The following MED13L variants were observed in gnomAD, a reference collection of about 807,000 sequenced individuals.
The protein encoded by MED13L is mediator of RNA polymerase II transcription subunit 13-like.
MED13L carries 7 observed loss-of-function variants against 220.9 expected under a neutral mutation model. The ratio of observed to expected loss-of-function variants is 0.03; its 90% CI spans 0.02 to 0.06. MED13L has a LOEUF of 0.06. MED13L is among the 10% of genes least tolerant of loss of function. The pLI is 1.00. For missense variants in MED13L, 1,965 were observed against 2,760.5 expected (o/e 0.71, Z 6.46); for synonymous variants, 1,011 against 1,015.2 (o/e 1.00, Z 0.08).
At chr12:116,243,166 C>T (rs1005470142) in intron 1 of MED13L, among the ~76,000 whole-genome samples, 3 of 147,388 alleles carry the variant, frequency 2.0e-5, no homozygotes, top group African/African-American at 7.3e-5. Context: ...GTACAACGAA[C>T]CAACAAAATC....
intron 1 of MED13L, among the ~76,000 whole-genome samples, chr12:116,253,065 C>T (rs557847267): frequency 1.3e-5 from 2 of 152,066 alleles, no homozygotes; most frequent in South Asian, 2.1e-4. Context: ...AGTTCAAAAC[C>T]AGCCTGGCCA....
chr12:116,250,175 T>C (rs1341602731), intron 1 of MED13L, among the ~76,000 whole-genome samples: 1 of 151,728 alleles, frequency 6.6e-6, no homozygotes, highest in Non-Finnish European at 1.5e-5. Context: ...ACTACAGACT[T>C]CTCATCTGAA....
chr12:116,128,199 T>C (rs1173350483), intron 2 of MED13L, among the ~76,000 whole-genome samples: 2 of 152,232 alleles, frequency 1.3e-5, no homozygotes, highest in African/African-American at 4.8e-5. Flanking sequence ...GCAATGTCAA[T>C]CCTTGTGTGC....
chr12:116,203,903 T>C (rs990356754), intron 2 of MED13L, among the ~76,000 whole-genome samples: 2 of 152,210 alleles, frequency 1.3e-5, no homozygotes, highest in Non-Finnish European at 2.9e-5. Context: ...GTTAACTATA[T>C]GCTTAGTTAG....
At chr12:116,152,567 A>C (rs913201375) in intron 2 of MED13L, among the ~76,000 whole-genome samples, 2 of 152,260 alleles carry the variant, frequency 1.3e-5, no homozygotes, top group African/African-American at 4.8e-5. Context: ...AGAAGACCAG[A>C]GGGGCATAGA....
chr12:116,033,665 A>C (rs1880992416), intron 4 of MED13L, among the ~76,000 whole-genome samples: 1 of 152,044 alleles, frequency 6.6e-6, no homozygotes, highest in South Asian at 2.1e-4. Flanking sequence ...CAAGATCCTC[A>C]CTCCTACACG....
At chr12:116,085,287 C>A (rs1352325963) in intron 4 of MED13L, among the ~76,000 whole-genome samples, 1 of 152,080 alleles carries the variant, frequency 6.6e-6, no homozygotes, top group South Asian at 2.1e-4. Context: ...TCACAAACAG[C>A]CCAATTGCTC....
intron 1 of MED13L, among the ~76,000 whole-genome samples, chr12:116,276,022 T>C (rs1324160471): frequency 2.0e-5 from 3 of 152,268 alleles, no homozygotes; most frequent in East Asian, 3.9e-4. Context: ...TTTTCAGAGG[T>C]AGGTAATACG....
chr12:115,966,897 T>C (rs2137206238), intron 28 of MED13L, among the ~76,000 whole-genome samples: 1 of 152,188 alleles, frequency 6.6e-6, no homozygotes, highest in South Asian at 2.1e-4. Flanking sequence ...TTATGCTGGG[T>C]GCGGTGGCTC....
intron 5 of MED13L, among the ~76,000 whole-genome samples, chr12:116,022,091 C>T (rs985415355): frequency 1.3e-5 from 2 of 152,098 alleles, no homozygotes; most frequent in African/African-American, 4.8e-5. Context: ...ATTCCTAAAA[C>T]CTTGTTAATA....
At position 115,980,779 on chromosome 12, in the gene MED13L, T is replaced by C; in HGVS notation, c.5335A>G (p.Ser1779Gly). ...KSLTGFGPAA[S>G]IEMTLKNPER... Reference sequence around the variant, plus strand: ...GGGTTCTTGAGGGTCATCTCAATGCTGGCTGCAGGCCCAAATCCCGTGAGG... The same window carrying C: ...GGGTTCTTGAGGGTCATCTCAATGCCGGCTGCAGGCCCAAATCCCGTGAGG... The change falls in exon 23 of 31, where the codon AGC becomes GGC. Residue 1779 changes from serine (S) to glycine (G), a missense_variant. This residue lies in a region of MED13L where 510 missense variants were observed against 620.4 expected (regional missense o/e 0.82). Transcript: ENST00000281928. 6.2e-7 allele frequency: 1 copy of C among 1,614,164 alleles called. No individual in the cohort carries two copies. The highest frequency in any genetic ancestry group is 8.5e-7 in the Non-Finnish European group (1 of 1,180,032).
At chr12:116,031,928 C>A (rs1387577707) in intron 4 of MED13L, among the ~76,000 whole-genome samples, 1 of 151,752 alleles carries the variant, frequency 6.6e-6, no homozygotes, top group Non-Finnish European at 1.5e-5. Context: ...AGAGATCAAG[C>A]ATGTAGATAA....
At chr12:116,215,718 A>G (rs1882952139) in intron 2 of MED13L, among the ~76,000 whole-genome samples, 1 of 152,166 alleles carries the variant, frequency 6.6e-6, no homozygotes, top group Admixed American at 6.5e-5. Context: ...TTCACACAAA[A>G]GTGCAATATT....
At chr12:116,256,321 A>G (rs923416921) in intron 1 of MED13L, among the ~76,000 whole-genome samples, 5 of 152,086 alleles carry the variant, frequency 3.3e-5, no homozygotes, top group East Asian at 1.9e-4. Context: ...CTTAAGCAAT[A>G]ATATGAAACC....
intron 16 of MED13L, among the ~76,000 whole-genome samples, chr12:115,994,316 G>A (rs1341154161): frequency 6.6e-6 from 1 of 152,100 alleles, no homozygotes; most frequent in Non-Finnish European, 1.5e-5. Flanking sequence ...TGGGTGTGGT[G>A]GCACGTGCCT....
At chr12:115,976,657 T>C (rs1050037127) in intron 23 of MED13L, among the ~76,000 whole-genome samples, 1 of 152,244 alleles carries the variant, frequency 6.6e-6, no homozygotes, top group Non-Finnish European at 1.5e-5. Flanking sequence ...GTGTATATAA[T>C]TTTAAAAATC....
chr12:116,191,887 C>T (rs1881311051), intron 2 of MED13L, among the ~76,000 whole-genome samples: 1 of 151,740 alleles, frequency 6.6e-6, no homozygotes, highest in East Asian at 1.9e-4. Context: ...GTAAAAAAGG[C>T]AAATTATTTT....
At chr12:116,002,887 TTC>T in intron 14 of MED13L, 114 bp downstream of exon 14, 1 of 876,216 alleles carries the variant, frequency 1.1e-6, no homozygotes, top group South Asian at 1.4e-5. Flanking sequence ...ACAGTTAGAA[TTC>T]TGTCAAAAGG....
At chr12:116,069,073 A>G (rs1025998746) in intron 4 of MED13L, among the ~76,000 whole-genome samples, 4 of 152,202 alleles carry the variant, frequency 2.6e-5, no homozygotes, top group African/African-American at 9.6e-5. Flanking sequence ...ATCTCATTCA[A>G]TGTGGACATC....
Sources: gnomAD v4.1 joint callset for allele counts (sites outside exome capture counted in the v4.1 genomes callset) on GRCh38, gnomAD v4.1.1 for gene constraint, gnomAD v4.1.1 regional missense constraint, MANE v1.5 for transcripts, NCBI Gene and HGNC (gene_info 2026-07-23, HGNC 2026-07-21) for gene names.